The following BSPH1 variants were observed in gnomAD, a reference collection of about 807,000 sequenced individuals.
BSPH1 encodes the protein binder of sperm 1.
BSPH1 carries 21 observed loss-of-function variants against 22.5 expected under a neutral mutation model. The observed-to-expected ratio is 0.93, with a 90% CI of 0.66 to 1.35. BSPH1 has a LOEUF of 1.35. Ranked by LOEUF, BSPH1 falls within the 40% of genes most tolerant of loss-of-function variation. The pLI, the probability that BSPH1 is intolerant of heterozygous loss-of-function variation, is 0.00. For synonymous variants in BSPH1, 42 were observed against 53.6 expected, an observed-to-expected ratio of 0.78 and a Z score of 0.95; for missense variants, 141 against 154.2, an observed-to-expected ratio of 0.91 and a Z score of 0.45.
At chr19:47,988,609 C>G (rs146798104) in intron 1 of BSPH1, among the ~76,000 whole-genome samples, 2 of 152,176 alleles carry the variant, frequency 1.3e-5, no homozygotes, top group South Asian at 4.2e-4. Flanking sequence ...ATAATAATGG[C>G]TCTTGCAATG....
At chr19:47,983,387 A>T (rs1969437361) in intron 1 of BSPH1, among the ~76,000 whole-genome samples, 1 of 152,196 alleles carries the variant, frequency 6.6e-6, no homozygotes, top group Non-Finnish European at 1.5e-5. Flanking sequence ...TTCCATAGTG[A>T]AACTATTAGG....
At chr19:47,979,310 G>A (rs1568397083) in intron 3 of BSPH1, among the ~76,000 whole-genome samples, 1 of 151,734 alleles carries the variant, frequency 6.6e-6, no homozygotes, top group Non-Finnish European at 1.5e-5. Flanking sequence ...ATTATTGGAT[G>A]TTTTTCTATA....
Position 47,977,358 on chromosome 19 carries a change from A to C in BSPH1, c.256+15T>G. ...AAGATTACTGCTCTGAGGTATTTAGAGACAGGACACTCACCTTCTGCACTG... is the reference window on the plus strand; with the variant it reads ...AAGATTACTGCTCTGAGGTATTTAGCGACAGGACACTCACCTTCTGCACTG... On this transcript the variant is annotated intron_variant, in intron 4 of 5. Coordinates refer to ENST00000344839, the MANE Select transcript of BSPH1 (RefSeq NM_001128326.2). 1 of 1,548,500 alleles carries C rather than the reference A, an allele frequency of 6.5e-7. No homozygotes were observed. Among genetic ancestry groups the C allele is most frequent in the Non-Finnish European group, 8.7e-7 (1 of 1,144,004 alleles).
intron 5 of BSPH1, among the ~76,000 whole-genome samples, chr19:47,969,019 A>AG (rs934522839): frequency 3.9e-4 from 59 of 150,782 alleles, no homozygotes; most frequent in South Asian, 1.7e-3. Context: ...AAAAAAAAAA[A>AG]AAAGAAATCA....
At chr19:47,967,896 G>A (rs940257345), downstream of BSPH1, 1 of 152,088 alleles carries the variant, frequency 6.6e-6, no homozygotes, top group Admixed American at 6.6e-5. Context: ...GATATTGAAG[G>A]GGAAGTCATT....
chr19:47,976,468 AG>A (rs1305840920), intron 5 of BSPH1, among the ~76,000 whole-genome samples: 2 of 151,584 alleles, frequency 1.3e-5, no homozygotes, highest in Admixed American at 1.3e-4. Context: ...AATTTTACAC[AG>A]TTAGCAATTA....
chr19:47,985,499 T>C (rs1035389514), intron 1 of BSPH1, among the ~76,000 whole-genome samples: 2 of 152,192 alleles, frequency 1.3e-5, no homozygotes, highest in African/African-American at 4.8e-5. Context: ...AAAGAAATGT[T>C]AAAAGTTCTT....
In BSPH1 at chr19:47,992,044, CGCGTCGTTTCCACGAAGAGAA is replaced by C; in HGVS notation, c.17_37del (p.Leu6_Thr12del). ...AGGGAAGATGCAAGCTGAGGAATTT[CGCGTCGTTTCCACGAAGAGAA>C]GCATCAGGGAGCCCATGGGCAGTCA... On this transcript the variant is annotated inframe_deletion, in exon 1 of 6. Coordinates refer to ENST00000344839, the MANE Select transcript of BSPH1 (RefSeq NM_001128326.2). 1.3e-6 allele frequency: 2 copies of C among 1,551,046 alleles called. No homozygotes were observed. The highest frequency in any genetic ancestry group is 1.7e-6 in the Non-Finnish European group (2 of 1,146,446).
intron 5 of BSPH1, among the ~76,000 whole-genome samples, chr19:47,969,777 G>T (rs1969294697): frequency 6.7e-6 from 1 of 148,910 alleles, no homozygotes; most frequent in East Asian, 2.0e-4. Context: ...GAATTTATTT[G>T]TGTGTGTGTG....
In BSPH1 at chr19:47,980,958, T is replaced by G; in HGVS notation, c.74-17A>C. ...ATAATTCATCTGAAAAACACAATTT[T>G]GAACAAATATTTATGTCACTTTAAA... On this transcript the variant is annotated splice_polypyrimidine_tract_variant and intron_variant, in intron 1 of 5. Coordinates refer to ENST00000344839, the MANE Select transcript of BSPH1 (RefSeq NM_001128326.2). The G allele has an allele frequency of 7.2e-7, 1 of 1,384,386 alleles. No individual in the cohort carries two copies. The highest frequency in any genetic ancestry group is 9.7e-7 in the Non-Finnish European group (1 of 1,026,588). The allele number at this position is 1,384,386 out of a possible 1,614,324, so 85.8% of individuals were successfully genotyped here.
At chr19:47,990,794 T>C (rs1027960579) in intron 1 of BSPH1, among the ~76,000 whole-genome samples, 2 of 152,196 alleles carry the variant, frequency 1.3e-5, no homozygotes, top group Non-Finnish European at 2.9e-5. Context: ...CGCTTCATAA[T>C]TGTTACAGGC....
intron 1 of BSPH1, among the ~76,000 whole-genome samples, chr19:47,984,163 A>AT (rs1450777384): frequency 0.05 from 6,705 of 135,260 alleles, 193 homozygotes; most frequent in African/African-American, 0.098. Flanking sequence ...AAAAAAAAAA[A>AT]ATATATATAT....
At chr19:47,984,751 G>C (rs1969453095) in intron 1 of BSPH1, among the ~76,000 whole-genome samples, 1 of 152,088 alleles carries the variant, frequency 6.6e-6, no homozygotes, top group Non-Finnish European at 1.5e-5. Context: ...TTACAAAAGT[G>C]GGGAGGTAAG....
intron 5 of BSPH1, among the ~76,000 whole-genome samples, chr19:47,975,431 G>A (rs1175032341): frequency 1.3e-5 from 2 of 152,158 alleles, no homozygotes; most frequent in Non-Finnish European, 2.9e-5. Flanking sequence ...CTTGCCCACT[G>A]CCTGGCTCCC....
At position 47,976,763 on chromosome 19, in the gene BSPH1, A is replaced by ACAAGT. The variant is rs2122245031; in HGVS notation, c.347_348insACTTG (p.Cys116Ter). ...CCTTGTTAAAATTCTTGGTCAGTGA[A>ACAAGT]CACCATTTTTTCCCAAATGCTTCCC... On this transcript the variant is annotated stop_gained and frameshift_variant, in exon 5 of 6. Coordinates refer to ENST00000344839, the MANE Select transcript of BSPH1 (RefSeq NM_001128326.2). LOFTEE classifies it high-confidence loss of function. The ACAAGT allele has an allele frequency of 1.3e-6, 2 of 1,551,758 alleles. No homozygotes were observed. The highest frequency in any genetic ancestry group is 1.4e-5 in the African/African-American group (1 of 73,150).
intron 5 of BSPH1, 86 bp downstream of exon 5, chr19:47,976,624 G>T: frequency 2.4e-6 from 2 of 829,692 alleles, no homozygotes; most frequent in Non-Finnish European, 3.6e-6. Flanking sequence ...TAATGAGAAA[G>T]GGTTCTCCTC....
At chr19:47,969,648 T>C (rs1200418991) in intron 5 of BSPH1, among the ~76,000 whole-genome samples, 4 of 144,318 alleles carry the variant, frequency 2.8e-5, no homozygotes, top group Admixed American at 1.4e-4. Context: ...CAGCAGATTG[T>C]AGGAAGAAGC....
At chr19:47,982,816 AC>A (rs1969431762) in intron 1 of BSPH1, among the ~76,000 whole-genome samples, 1 of 152,236 alleles carries the variant, frequency 6.6e-6, no homozygotes. Context: ...ACATGGATGC[AC>A]TTTGAAAATA....
Position 47,977,357 on chromosome 19 carries a change from G to A in BSPH1, c.256+16C>T. ...CAAGATTACTGCTCTGAGGTATTTA[G>A]AGACAGGACACTCACCTTCTGCACT... On this transcript the variant is annotated intron_variant, in intron 4 of 5. Coordinates refer to ENST00000344839, the MANE Select transcript of BSPH1 (RefSeq NM_001128326.2). The A allele has an allele frequency of 6.5e-7, 1 of 1,547,822 alleles. No individual in the cohort carries two copies. Among genetic ancestry groups the A allele is most frequent in the Non-Finnish European group, 8.7e-7 (1 of 1,143,430 alleles).
Sources: allele counts gnomAD v4.1 joint callset (sites outside exome capture counted in the v4.1 genomes callset), GRCh38; gene constraint gnomAD v4.1.1; transcripts MANE v1.5; gene names NCBI Gene and HGNC (gene_info 2026-07-23, HGNC 2026-07-21).